KHDRBS2: variants seen among roughly 807,000 people sequenced by gnomAD.
KHDRBS2 encodes KH domain-containing, RNA-binding, signal transduction-associated protein 2.
A neutral mutation model predicts 44.3 loss-of-function variants in KHDRBS2; 26 were observed. The observed-to-expected ratio is 0.59, with a 90% CI of 0.43 to 0.81. The LOEUF is 0.81. KHDRBS2 is among the 40% of genes least tolerant of loss of function. The pLI is 0.00. For missense variants in KHDRBS2, 476 were observed against 433.1 expected (o/e 1.10, Z -0.88); for synonymous variants, 194 against 151.1 (o/e 1.28, Z -2.08).
At chr6:61,608,312 A>C in the KHDRBS2 span, among the ~76,000 whole-genome samples, 93,384 of 146,680 alleles carry the variant, frequency 0.64, 28,982 homozygotes, top group Non-Finnish European at 0.67. Context: ...GTGTATATAT[A>C]TGTGTGTATA....
At chr6:62,171,857 TC>T (rs369737311) in intron 2 of KHDRBS2, among the ~76,000 whole-genome samples, 12 of 152,232 alleles carry the variant, frequency 7.9e-5, no homozygotes, top group African/African-American at 2.6e-4. Context: ...GAAATAAGAT[TC>T]TTTTGAGACA....
At chr6:61,826,467 A>G (rs1304320249) in intron 6 of KHDRBS2, among the ~76,000 whole-genome samples, 1 of 151,934 alleles carries the variant, frequency 6.6e-6, no homozygotes, top group Non-Finnish European at 1.5e-5. Flanking sequence ...CAGATTTCTT[A>G]ACATTGCCTC....
chr6:62,183,252 G>A (rs1456771101), intron 1 of KHDRBS2, among the ~76,000 whole-genome samples: 5 of 151,514 alleles, frequency 3.3e-5, no homozygotes, highest in African/African-American at 1.2e-4. Flanking sequence ...ATGCACAAAC[G>A]CAGAAATCAC....
chr6:62,127,393 T>C (rs1209879414), intron 2 of KHDRBS2, among the ~76,000 whole-genome samples: 3 of 152,096 alleles, frequency 2.0e-5, no homozygotes, highest in Non-Finnish European at 4.4e-5. Context: ...AAAATATATA[T>C]ATTGCCAAGC....
the KHDRBS2 span, among the ~76,000 whole-genome samples, chr6:61,563,969 A>G: frequency 6.6e-6 from 1 of 152,132 alleles, no homozygotes; most frequent in Non-Finnish European, 1.5e-5. Context: ...TGGACAGTTT[A>G]TTAGTGCCAG....
chr6:61,566,208 T>C, the KHDRBS2 span, among the ~76,000 whole-genome samples: 1 of 152,010 alleles, frequency 6.6e-6, no homozygotes. Flanking sequence ...GAGGTGAGAA[T>C]AGAATGATGG....
chr6:62,101,425 G>A (rs935628495), intron 2 of KHDRBS2, among the ~76,000 whole-genome samples: 3 of 152,142 alleles, frequency 2.0e-5, no homozygotes, highest in African/African-American at 7.2e-5. Context: ...TTACGTAGAG[G>A]TAGGAAAAAC....
At chr6:62,140,039 C>T (rs1220301024) in intron 2 of KHDRBS2, among the ~76,000 whole-genome samples, 1 of 152,108 alleles carries the variant, frequency 6.6e-6, no homozygotes, top group South Asian at 2.1e-4. Flanking sequence ...ATAACCTAAA[C>T]CCTATGGTTT....
At chr6:61,987,705 C>T (rs933779839) in intron 3 of KHDRBS2, among the ~76,000 whole-genome samples, 1 of 152,102 alleles carries the variant, frequency 6.6e-6, no homozygotes, top group Non-Finnish European at 1.5e-5. Flanking sequence ...CCTGACAGAA[C>T]AAATTAGTTG....
chr6:61,783,412 A>G (rs979108277), intron 6 of KHDRBS2, among the ~76,000 whole-genome samples: 1 of 152,094 alleles, frequency 6.6e-6, no homozygotes, highest in Admixed American at 6.6e-5. Flanking sequence ...CAGTCTCCGC[A>G]GAAGACTGAG....
chr6:61,568,629 C>G, the KHDRBS2 span, among the ~76,000 whole-genome samples: 17 of 51,678 alleles, frequency 3.3e-4, no homozygotes, highest in Non-Finnish European at 4.8e-4. Flanking sequence ...GAACATACAT[C>G]TCACTGGAGA....
chr6:61,915,426 G>A (rs554012630), intron 4 of KHDRBS2, among the ~76,000 whole-genome samples: 6 of 152,088 alleles, frequency 3.9e-5, no homozygotes, highest in South Asian at 2.1e-4. Flanking sequence ...TCAAGGTGTC[G>A]CCATAAGATC....
intron 6 of KHDRBS2, among the ~76,000 whole-genome samples, chr6:61,733,729 C>A (rs1303085897): frequency 6.6e-6 from 1 of 152,124 alleles, no homozygotes; most frequent in African/African-American, 2.4e-5. Flanking sequence ...TTTGTCATAG[C>A]AGCATGTTCA....
the KHDRBS2 span, among the ~76,000 whole-genome samples, chr6:61,668,305 G>T: frequency 2.7e-5 from 4 of 150,928 alleles, no homozygotes; most frequent in African/African-American, 9.7e-5. Context: ...ATAATATGCA[G>T]TATTTATAAT....
the KHDRBS2 span, among the ~76,000 whole-genome samples, chr6:61,640,678 C>T: frequency 6.6e-6 from 1 of 152,102 alleles, no homozygotes; most frequent in Non-Finnish European, 1.5e-5. Flanking sequence ...CTGAGAATGA[C>T]CAACAGCCCT....
At chr6:61,956,700 C>T (rs374630556) in intron 4 of KHDRBS2, among the ~76,000 whole-genome samples, 36 of 152,156 alleles carry the variant, frequency 2.4e-4, no homozygotes, top group African/African-American at 8.4e-4. Flanking sequence ...TTCTTGGCCA[C>T]TGAACAAAGT....
chr6:62,281,488 C>T (rs1162968716), intron 1 of KHDRBS2, among the ~76,000 whole-genome samples: 1 of 151,914 alleles, frequency 6.6e-6, no homozygotes, highest in African/African-American at 2.4e-5. Flanking sequence ...GGTGTGGTGG[C>T]ACGCACCTGT....
chr6:61,578,277 G>A, the KHDRBS2 span, among the ~76,000 whole-genome samples: 1 of 152,138 alleles, frequency 6.6e-6, no homozygotes, highest in Non-Finnish European at 1.5e-5. Context: ...TCAGGTGTTT[G>A]TGGTATTAGG....
chr6:61,566,740 A>G, the KHDRBS2 span, among the ~76,000 whole-genome samples: 1 of 152,126 alleles, frequency 6.6e-6, no homozygotes, highest in Non-Finnish European at 1.5e-5. Flanking sequence ...AGCCAATCAA[A>G]CTATGTTTTC....
Sources: gnomAD v4.1 joint callset for allele counts (sites outside exome capture counted in the v4.1 genomes callset) on GRCh38, gnomAD v4.1.1 for gene constraint, MANE v1.5 for transcripts, NCBI Gene and HGNC (gene_info 2026-07-23, HGNC 2026-07-21) for gene names.